Variants in CWF19L2 observed in about 807,000 individuals in gnomAD.
CWF19L2 encodes CWF19-like protein 2.
In CWF19L2, 98 loss-of-function variants were observed where a neutral mutation model predicts 111.7. The ratio of observed to expected loss-of-function variants is 0.88; its 90% CI spans 0.75 to 1.04. The LOEUF (loss-of-function observed/expected upper bound fraction) is 1.04. Ranked by LOEUF, CWF19L2 falls within the 50% of genes least tolerant of loss-of-function variation. CWF19L2 has a pLI of 0.00. For synonymous variants in CWF19L2, 351 were observed against 342.9 expected (o/e 1.02, Z -0.26); for missense variants, 1,101 against 1,051.4 (o/e 1.05, Z -0.65).
chr11:107,428,865 T>C lies in CWF19L2; in HGVS notation c.1367A>G (p.Asp456Gly), dbSNP rs760141779. 1.9e-6 allele frequency: 3 copies of C among 1,613,568 alleles called. No homozygotes were observed. The highest frequency in any genetic ancestry group is 2.2e-5 in the South Asian group (2 of 91,076). ...TGGAGGGTCATCTCTCAAGACTTCATCTTGTGATTTTTCTCTTGGGTCTTC... is the reference window on the plus strand; with the variant it reads ...TGGAGGGTCATCTCTCAAGACTTCACCTTGTGATTTTTCTCTTGGGTCTTC... The part of the protein sequence containing the change: ...VPEDPREKSQ[D>G]EVLRDDPPKK... The change falls in exon 8 of 18, where the codon GAT becomes GGT. Residue 456 changes from aspartate to glycine, a missense_variant. Transcript: ENST00000282251.
chr11:107,414,396 T>G (rs1047282421), intron 10 of CWF19L2, among the ~76,000 whole-genome samples: 2 of 152,060 alleles, frequency 1.3e-5, no homozygotes, highest in African/African-American at 4.8e-5. Context: ...AATGCAGAAG[T>G]TGAACTCAGC....
chr11:107,390,452 T>C (rs1241738616), intron 11 of CWF19L2, among the ~76,000 whole-genome samples: 1 of 152,202 alleles, frequency 6.6e-6, no homozygotes, highest in African/African-American at 2.4e-5. Context: ...TATGATCTGC[T>C]TTCTGAGCTT....
At chr11:107,448,967 C>T (rs1355642111) in intron 3 of CWF19L2, among the ~76,000 whole-genome samples, 2 of 151,608 alleles carry the variant, frequency 1.3e-5, no homozygotes, top group African/African-American at 4.8e-5. Flanking sequence ...GAAATCAATA[C>T]CAAGACATAT....
intron 1 of CWF19L2, among the ~76,000 whole-genome samples, chr11:107,455,991 A>G (rs1440806300): frequency 1.3e-5 from 2 of 152,196 alleles, no homozygotes; most frequent in African/African-American, 4.8e-5. Flanking sequence ...TGCATTTCCA[A>G]TCTCCAGTGA....
intron 14 of CWF19L2, among the ~76,000 whole-genome samples, chr11:107,339,688 T>C (rs1221687306): frequency 6.3e-5 from 9 of 143,054 alleles, no homozygotes; most frequent in Admixed American, 1.4e-4. Flanking sequence ...TTTTTTGAGA[T>C]GGAGTCTCGC....
chr11:107,414,584 C>T (rs1010169675), intron 10 of CWF19L2, among the ~76,000 whole-genome samples: 2 of 152,146 alleles, frequency 1.3e-5, no homozygotes, highest in African/African-American at 4.8e-5. Flanking sequence ...CTTGACATCT[C>T]CACTTATTCC....
At chr11:107,423,658 A>T (rs762556469) in intron 8 of CWF19L2, among the ~76,000 whole-genome samples, 15 of 151,938 alleles carry the variant, frequency 9.9e-5, no homozygotes, top group Admixed American at 7.3e-4. Flanking sequence ...CTATTTACGC[A>T]GTATTTCTAC....
intron 7 of CWF19L2, among the ~76,000 whole-genome samples, chr11:107,432,177 G>A (rs1214065270): frequency 6.6e-6 from 1 of 152,122 alleles, no homozygotes; most frequent in Non-Finnish European, 1.5e-5. Context: ...GGAGAAATCT[G>A]AACAGATTTA....
At chr11:107,442,905 A>AAGGAAGG (rs745925221) in intron 4 of CWF19L2, 34 bp downstream of exon 4, 69 of 972,166 alleles carry the variant, frequency 7.1e-5, no homozygotes, top group East Asian at 6.1e-4. Flanking sequence ...AGGAAGGAAG[A>AAGGAAGG]AAGCAAGGAA....
chr11:107,447,464 CACAAAGGGCTGGAAGACA>C (rs1861716802), intron 3 of CWF19L2, among the ~76,000 whole-genome samples: 1 of 152,134 alleles, frequency 6.6e-6, no homozygotes, highest in East Asian at 1.9e-4. Flanking sequence ...CCCCAGAGCT[CACAAAGGGCTGGAAGACA>C]TTCTAGTTCC....
chr11:107,428,664 CA>C (rs1353825634), intron 8 of CWF19L2, 134 bp downstream of exon 8: 1 of 709,980 alleles, frequency 1.4e-6, no homozygotes, highest in Non-Finnish European at 2.3e-6. Context: ...GTTAAATCTG[CA>C]TATCTTACCC....
At position 107,395,112 on chromosome 11, in the gene CWF19L2, G is replaced by A. The variant is rs564838780; in HGVS notation, c.1618-2217C>T. On this transcript the variant is annotated intron_variant, in intron 10 of 17. Coordinates refer to ENST00000282251, the MANE Select transcript of CWF19L2 (RefSeq NM_152434.3). The stretch of plus-strand genomic sequence containing the variant: ...GTAGCTCCCATAATTTCCACGTGTT[G>A]TAGGAGGGACCCGGTGGGAGATGAC... Among the ~76,000 whole-genome samples, 193 of 152,320 alleles carry A rather than the reference G, an allele frequency of 1.3e-3. 1 individual carries two copies. The highest frequency in any genetic ancestry group is 4.4e-3 in the African/African-American group (183 of 41,584).
At chr11:107,346,060 A>G (rs1338411416) in intron 14 of CWF19L2, among the ~76,000 whole-genome samples, 2 of 152,170 alleles carry the variant, frequency 1.3e-5, no homozygotes, top group Non-Finnish European at 2.9e-5. Context: ...TCTTATAATC[A>G]GTTTAAGGAA....
rs892163574 is a variant in CWF19L2, at chr11:107,378,410, A to G, written c.1872+11664T>C. 7.3e-4 allele frequency among the ~76,000 whole-genome samples: 111 copies of G among 151,944 alleles called. 1 individual carries two copies. Among genetic ancestry groups the G allele is most frequent in the African/African-American group, 2.4e-3 (99 of 41,434 alleles). On this transcript the variant is annotated intron_variant, in intron 12 of 17. Transcript: ENST00000282251. ...AGACTGGATTAAGAAAATGTGGCAC[A>G]TATACACCATGGAATACTATGCAGC...
chr11:107,425,333 CAT>C (rs1377723805), intron 8 of CWF19L2, among the ~76,000 whole-genome samples: 1 of 151,824 alleles, frequency 6.6e-6, no homozygotes, highest in Non-Finnish European at 1.5e-5. Flanking sequence ...CGACAGACCA[CAT>C]GACAGTAATC....
At chr11:107,334,793 A>G (rs1000810216) in intron 16 of CWF19L2, 88 bp downstream of exon 16, 4 of 849,672 alleles carry the variant, frequency 4.7e-6, no homozygotes, top group Non-Finnish European at 7.9e-6. Flanking sequence ...CACTCAACCA[A>G]ATGGTCCCTT....
intron 14 of CWF19L2, among the ~76,000 whole-genome samples, chr11:107,336,935 A>G (rs1859934637): frequency 6.6e-6 from 1 of 152,244 alleles, no homozygotes. Context: ...AGACTTTTAA[A>G]AAAACTGAAA....
chr11:107,397,892 G>C (rs1236884261), intron 10 of CWF19L2, among the ~76,000 whole-genome samples: 1 of 152,258 alleles, frequency 6.6e-6, no homozygotes, highest in East Asian at 1.9e-4. Context: ...AAACTTGCTG[G>C]GTGGCTAGAC....
intron 16 of CWF19L2, among the ~76,000 whole-genome samples, chr11:107,330,647 CACACACACACACA>C (rs1565240391): frequency 8.1e-5 from 2 of 24,710 alleles, no homozygotes; most frequent in African/African-American, 2.9e-4. Context: ...CCCCCCACCA[CACACACACACACA>C]CACACACACA....
Sources: allele counts gnomAD v4.1 joint callset (sites outside exome capture counted in the v4.1 genomes callset), GRCh38; gene constraint gnomAD v4.1.1; transcripts MANE v1.5; gene names NCBI Gene and HGNC (gene_info 2026-07-23, HGNC 2026-07-21).